The following MRC1 variants were observed in gnomAD, a reference collection of about 807,000 sequenced individuals.
MRC1 encodes the protein mannose receptor C-type 1.
In MRC1, 62 loss-of-function variants were observed where a neutral mutation model predicts 102.9. The ratio of observed to expected loss-of-function variants is 0.60; its 90% CI spans 0.49 to 0.74. MRC1 has a LOEUF of 0.74. MRC1 is among the 30% of genes least tolerant of loss of function. The pLI, the probability that MRC1 is intolerant of heterozygous loss-of-function variation, is 0.00. For synonymous variants in MRC1, 457 were observed against 298.4 expected, an observed-to-expected ratio of 1.53 and a Z score of -5.48; for missense variants, 1,237 against 862.8, an observed-to-expected ratio of 1.43 and a Z score of -5.43.
rs1833547349 is a variant in MRC1, at chr10:17,883,491, CTTAA to C, written c.2981-1773_2981-1770del. On this transcript the variant is annotated intron_variant, in intron 21 of 29. Transcript: ENST00000569591. ...AAGAGTTTTTTTTTTTTTTTAAATC[CTTAA>C]TTAAGAAAAACAGAAGTCTCTGAGA... 2.0e-5 allele frequency among the ~76,000 whole-genome samples: 3 copies of C among 148,968 alleles called. No homozygotes were observed. The South Asian group carries it at 6.3e-4, about 31-fold the overall frequency.
At chr10:17,845,204 A>T (rs782812468) in intron 5 of MRC1, 85 bp from the exon 6 acceptor site, 4 of 780,374 alleles carry the variant, frequency 5.1e-6, no homozygotes, top group Non-Finnish European at 9.6e-6. Context: ...AATCCCCAGG[A>T]TGAAGACATG....
At chr10:17,901,100 T>C in intron 25 of MRC1, 147 bp downstream of exon 25, 1 of 670,890 alleles carries the variant, frequency 1.5e-6, no homozygotes, top group Non-Finnish European at 2.7e-6. Context: ...AAAGACTATC[T>C]TTATAAACCA....
At position 17,893,693 on chromosome 10, in the gene MRC1, C is replaced by T. The variant is rs1040923467; in HGVS notation, c.3148-517C>T. 7.8e-3 allele frequency among the ~76,000 whole-genome samples: 1,180 copies of T among 152,252 alleles called. 11 individuals carry two copies. The highest frequency in any genetic ancestry group is 0.027 in the African/African-American group (1,126 of 41,552). On this transcript the variant is annotated intron_variant, in intron 22 of 29. Transcript: ENST00000569591. ...ACAACCAAACAAATATAATATTGTT[C>T]CAGTCCTGGCATACTCCCCTGTAAG...
At chr10:17,813,682 TTATATA>T in intron 1 of MRC1, among the ~76,000 whole-genome samples, 1 of 124,040 alleles carries the variant, frequency 8.1e-6, no homozygotes. Flanking sequence ...CACACACACA[TTATATA>T]TATATATATA....
intron 1 of MRC1, among the ~76,000 whole-genome samples, chr10:17,820,901 G>A (rs1838385212): frequency 6.6e-6 from 1 of 152,058 alleles, no homozygotes; most frequent in African/African-American, 2.4e-5. Context: ...TCCATTGTGA[G>A]CAAAGCCCTA....
intron 1 of MRC1, among the ~76,000 whole-genome samples, chr10:17,822,023 G>A (rs1219459686): frequency 6.6e-6 from 1 of 151,952 alleles, no homozygotes; most frequent in Admixed American, 6.6e-5. Context: ...AGCTTTACAT[G>A]AACTCAATTT....
chr10:17,845,134 C>T lies in MRC1; in HGVS notation c.917-155C>T. ...ATAGACACCCATCGTGTCTTTTGCTCTGCAGTCAGTAAATATTTTTTTGTG... is the reference window on the plus strand; with the variant it reads ...ATAGACACCCATCGTGTCTTTTGCTTTGCAGTCAGTAAATATTTTTTTGTG... On this transcript the variant is annotated intron_variant, in intron 5 of 29. Coordinates refer to ENST00000569591, the MANE Select transcript of MRC1 (RefSeq NM_002438.4). 5 of 779,242 alleles carry T rather than the reference C, an allele frequency of 6.4e-6. No individual in the cohort carries two copies. The South Asian group carries it at 6.8e-5, about 11-fold the overall frequency. 48.3% of individuals were successfully genotyped at this position (779,242 alleles called of 1,614,324 possible).
At chr10:17,844,382 C>T (rs1004347075) in intron 5 of MRC1, among the ~76,000 whole-genome samples, 5 of 151,890 alleles carry the variant, frequency 3.3e-5, no homozygotes, top group Admixed American at 2.6e-4. Flanking sequence ...GCTCCCCGGC[C>T]GATTTTTTTG....
At chr10:17,834,972 C>A (rs1266025804) in intron 4 of MRC1, among the ~76,000 whole-genome samples, 3 of 152,150 alleles carry the variant, frequency 2.0e-5, no homozygotes, top group Non-Finnish European at 2.9e-5. Context: ...GTTCAAAAAA[C>A]CCCTTGTGGC....
In MRC1 at chr10:17,809,401, C is replaced by T. The variant is rs927938827; in HGVS notation, c.-65C>T. ...AGGTGGAGAGGCAGTTGGGGGGCCT[C>T]GTTGTTTTGCGTCTTAGTTCCGCCC... On this transcript the variant is annotated 5_prime_UTR_variant, in exon 1 of 30. Coordinates refer to ENST00000569591, the MANE Select transcript of MRC1 (RefSeq NM_002438.4). The T allele has an allele frequency of 1.2e-6, 1 of 866,358 alleles. No individual in the cohort carries two copies. Among genetic ancestry groups the T allele is most frequent in the Non-Finnish European group, 2.0e-6 (1 of 495,906 alleles). The allele number at this position is 866,358 out of a possible 1,614,324, so 53.7% of individuals were successfully genotyped here. A position where few individuals can be genotyped will look rare whatever the true frequency, so the allele number is the denominator to read the frequency against.
intron 26 of MRC1, among the ~76,000 whole-genome samples, chr10:17,906,052 C>CTAA (rs1833890629): frequency 6.6e-6 from 1 of 152,170 alleles, no homozygotes; most frequent in Non-Finnish European, 1.5e-5. Context: ...CCATAGCCAT[C>CTAA]TAACTGGTCT....
intron 1 of MRC1, among the ~76,000 whole-genome samples, chr10:17,822,683 A>G (rs1838414313): frequency 6.6e-6 from 1 of 152,146 alleles, no homozygotes; most frequent in African/African-American, 2.4e-5. Context: ...TTTACAGTTT[A>G]TTGTATTCGT....
intron 1 of MRC1, among the ~76,000 whole-genome samples, chr10:17,821,441 A>G (rs1009493417): frequency 2.1e-4 from 32 of 152,194 alleles, no homozygotes; most frequent in Non-Finnish European, 3.8e-4. Context: ...TTATGTGTCA[A>G]CATGGCTGGG....
intron 4 of MRC1, among the ~76,000 whole-genome samples, chr10:17,836,610 G>A (rs1589170334): frequency 6.6e-6 from 1 of 152,082 alleles, no homozygotes; most frequent in Non-Finnish European, 1.5e-5. Context: ...CGAGGTGGGT[G>A]GATCACCTGA....
At chr10:17,817,106 G>A (rs1838324030) in intron 1 of MRC1, among the ~76,000 whole-genome samples, 1 of 151,892 alleles carries the variant, frequency 6.6e-6, no homozygotes, top group Admixed American at 6.6e-5. Flanking sequence ...AAATTAGCTG[G>A]GTGTGTGGTG....
intron 15 of MRC1, 92 bp from the exon 16 acceptor site, chr10:17,873,692 A>G (rs1833386899): frequency 1.2e-6 from 1 of 814,808 alleles, no homozygotes; most frequent in Non-Finnish European, 2.2e-6. Flanking sequence ...AGTTTTTAGC[A>G]ATATTGACTC....
intron 11 of MRC1, among the ~76,000 whole-genome samples, chr10:17,864,816 C>T (rs939784248): frequency 3.6e-4 from 15 of 41,288 alleles, no homozygotes; most frequent in African/African-American, 1.4e-3. Flanking sequence ...GTGACAAGAA[C>T]AAAACTCCAT....
chr10:17,886,313 T>C (rs992446481), intron 22 of MRC1, among the ~76,000 whole-genome samples: 7 of 138,572 alleles, frequency 5.1e-5, no homozygotes, highest in African/African-American at 1.0e-4. Context: ...CCTTCCTTCC[T>C]TCCCTCCTTC....
At chr10:17,909,419 C>T in intron 29 of MRC1, 72 bp downstream of exon 29, 1 of 801,336 alleles carries the variant, frequency 1.2e-6, no homozygotes, top group South Asian at 1.4e-5. Context: ...AAGGCATAAT[C>T]ATAATCCCTT....
Sources: allele counts gnomAD v4.1 joint callset (sites outside exome capture counted in the v4.1 genomes callset), GRCh38; gene constraint gnomAD v4.1.1; transcripts MANE v1.5; gene names NCBI Gene and HGNC (gene_info 2026-07-23, HGNC 2026-07-21).